BNIP3: variants seen among roughly 807,000 people sequenced by gnomAD.
BNIP3 encodes BCL2/adenovirus E1B 19 kDa protein-interacting protein 3.
Under a neutral mutation model 23.9 loss-of-function variants are expected in BNIP3, and 16 were observed. That is an observed-to-expected ratio of 0.67 (90% CI 0.45 to 1.01). BNIP3 has a LOEUF of 1.01. Among genes scored for constraint, BNIP3 ranks in the 50% least tolerant of loss-of-function variants. BNIP3 has a pLI of 0.00. For missense variants in BNIP3, 198 were observed against 248.7 expected (o/e 0.80, Z 1.37); for synonymous variants, 81 against 89.3 (o/e 0.91, Z 0.53).
At chr10:131,977,453 C>A (rs1194446639) in intron 1 of BNIP3, among the ~76,000 whole-genome samples, 2 of 152,196 alleles carry the variant, frequency 1.3e-5, no homozygotes, top group African/African-American at 4.8e-5. Context: ...TGCGCTACTG[C>A]AACAGAATCC....
intron 1 of BNIP3, among the ~76,000 whole-genome samples, chr10:131,975,259 G>A (rs187887861): frequency 1.3e-5 from 2 of 152,288 alleles, no homozygotes; most frequent in East Asian, 1.9e-4. Flanking sequence ...GAAATCAAGC[G>A]TGCATATAGG....
intron 1 of BNIP3, chr10:131,980,612 A>G (rs2037112076): frequency 1.3e-5 from 2 of 150,360 alleles, no homozygotes; most frequent in Non-Finnish European, 3.0e-5. Context: ...AAAAGCTTGT[A>G]GTGTTCATAT....
chr10:131,973,805 G>A lies in BNIP3; in HGVS notation c.185C>T (p.Ser62Phe). 6.2e-7 allele frequency: 1 copy of A among 1,612,348 alleles called. No homozygotes were observed. Among genetic ancestry groups the A allele is most frequent in the South Asian group, 1.1e-5 (1 of 91,006 alleles). ...GATGCGCGCCTACCTGTCACAGTGA[G>A]AGCTCTTGGAGCTACTCCGTCCAGA... ...HESGRSSSKS[S>F]HCDSPPRSQT... Residue 62 changes from serine (S) to phenylalanine (F), a missense_variant, in exon 2 of 6, where the codon TCT (serine) becomes TTT (phenylalanine). Coordinates refer to ENST00000368636, the MANE Select transcript of BNIP3 (RefSeq NM_004052.4).
At chr10:131,971,300 A>G (rs2037030847) in intron 3 of BNIP3, 1 of 335,890 alleles carries the variant, frequency 3.0e-6, no homozygotes, top group Admixed American at 4.6e-5. Flanking sequence ...ACGTGACATG[A>G]GGGCAAAGAT....
chr10:131,971,233 G>C, intron 3 of BNIP3: 1 of 479,192 alleles, frequency 2.1e-6, no homozygotes, highest in Non-Finnish European at 3.8e-6. Context: ...AAATACATTT[G>C]GTTCACTGTG....
Position 131,970,773 on chromosome 10 carries a change from T to A in BNIP3, c.404A>T (p.Lys135Ile). Reference sequence around the variant, plus strand: ...GAGGGTGGCCGTGCGCTTCGGGTGTTTAAAGAGGAACTCCCTGAGGCGGGA... The same window carrying A: ...GAGGGTGGCCGTGCGCTTCGGGTGTATAAAGAGGAACTCCCTGAGGCGGGA... Reference protein sequence around the residue: ...ENIPPKEFLFKHPKRTATLSM... With the variant: ...ENIPPKEFLFIHPKRTATLSM... The change falls in exon 5 of 6, where the codon AAA becomes ATA. Residue 135 changes from lysine to isoleucine, a missense_variant. By Grantham distance (102) the Lys-to-Ile change is moderately radical (BLOSUM62 -3). Coordinates refer to ENST00000368636, the MANE Select transcript of BNIP3 (RefSeq NM_004052.4). This position sits in a 1 kb window ranked among gnomAD's most constrained non-coding sequence, Gnocchi z 4.1. 6.2e-7 allele frequency: 1 copy of A among 1,614,126 alleles called. No homozygotes were observed. The highest frequency in any genetic ancestry group is 8.5e-7 in the Non-Finnish European group (1 of 1,180,004).
chr10:131,973,438 CG>C, intron 2 of BNIP3: 1 of 462,032 alleles, frequency 2.2e-6, no homozygotes, highest in Admixed American at 3.6e-5. Context: ...TGACCACTGT[CG>C]GCCACTCTAC....
At position 131,973,137 on chromosome 10, in the gene BNIP3, A is replaced by G; in HGVS notation, c.198-19T>C. ...AGGTGGGCTTGGCGATGTGAATAGA[A>G]TGGGAAAAACAGAACATCATGTGAA... On this transcript the variant is annotated intron_variant, in intron 2 of 5. Coordinates refer to ENST00000368636, the MANE Select transcript of BNIP3 (RefSeq NM_004052.4). 1 of 1,609,964 alleles carries G rather than the reference A, an allele frequency of 6.2e-7. No homozygotes were observed. The highest frequency in any genetic ancestry group is 1.1e-5 in the South Asian group (1 of 91,000).
At chr10:131,975,297 ATC>A (rs1304282317) in intron 1 of BNIP3, among the ~76,000 whole-genome samples, 1 of 152,210 alleles carries the variant, frequency 6.6e-6, no homozygotes, top group Non-Finnish European at 1.5e-5. Flanking sequence ...GCCCCAGATA[ATC>A]TCTCTACTTT....
rs202226139 is a variant in BNIP3, at chr10:131,971,019, C to T, written c.283-49G>A. On this transcript the variant is annotated intron_variant, in intron 3 of 5. Transcript: ENST00000368636. ...GCAGATCAGTGTACCACACGTGACA[C>T]GGGAAAGCACCCAGCTCCCACCCGA... 351 of 1,549,378 alleles carry T rather than the reference C, an allele frequency of 2.3e-4. No homozygotes were observed. The East Asian group carries it at 4.5e-3, about 20-fold the overall frequency.
At chr10:131,971,437 G>A (rs1000193384) in intron 3 of BNIP3, 1 of 162,546 alleles carries the variant, frequency 6.2e-6, no homozygotes, top group African/African-American at 2.4e-5. Flanking sequence ...GGGATAAGCA[G>A]GAGGGAAAAG....
chr10:131,971,597 C>G (rs2133691255), intron 3 of BNIP3: 1 of 152,512 alleles, frequency 6.6e-6, no homozygotes, highest in South Asian at 2.1e-4. Flanking sequence ...CATCTAATTC[C>G]TTTTAAAACT....
At chr10:131,981,539 G>A (rs766181343) in intron 1 of BNIP3, among the ~76,000 whole-genome samples, 3 of 152,220 alleles carry the variant, frequency 2.0e-5, no homozygotes, top group Admixed American at 6.5e-5. Flanking sequence ...ACCCCCGCCC[G>A]AGTGGCGAGG....
In BNIP3 at chr10:131,976,809, C is replaced by T. The variant is rs981781557; in HGVS notation, c.47-2866G>A. ...GGCCACCCTTGAGCCACTGTATTAG[C>T]AGTGTATTCTGAAGGGGCTCCTTAC... On this transcript the variant is annotated intron_variant, in intron 1 of 5. Coordinates refer to ENST00000368636, the MANE Select transcript of BNIP3 (RefSeq NM_004052.4). The surrounding 1 kb of genome is among the most constrained non-coding windows in gnomAD (Gnocchi z 4.3). 2.0e-5 allele frequency among the ~76,000 whole-genome samples: 3 copies of T among 152,108 alleles called. No homozygotes were observed. The highest frequency in any genetic ancestry group is 7.2e-5 in the African/African-American group (3 of 41,424).
chr10:131,979,012 CG>C (rs1235491092), intron 1 of BNIP3, among the ~76,000 whole-genome samples: 2 of 152,306 alleles, frequency 1.3e-5, no homozygotes, highest in Non-Finnish European at 1.5e-5. Context: ...TGGCTTCCAA[CG>C]GGGCTCGTTT....
intron 1 of BNIP3, among the ~76,000 whole-genome samples, chr10:131,977,428 A>G (rs994428411): frequency 2.0e-5 from 3 of 152,216 alleles, no homozygotes; most frequent in Admixed American, 6.5e-5. Flanking sequence ...AGACAAGTGT[A>G]TCTCTGTCAT....
In BNIP3 at chr10:131,970,390, T is replaced by C; in HGVS notation, c.539+248A>G. ...AGAAGCCCTGCTTTGACTCCGTTTA[T>C]ATTCAGTGAGCAACAGGCAGACTCG... On this transcript the variant is annotated intron_variant, in intron 5 of 5. Transcript: ENST00000368636. The surrounding 1 kb of genome is among the most constrained non-coding windows in gnomAD (Gnocchi z 4.1). 1.8e-6 allele frequency: 1 copy of C among 569,836 alleles called. No individual in the cohort carries two copies. The highest frequency in any genetic ancestry group is 3.1e-6 in the Non-Finnish European group (1 of 323,126). 35.3% of individuals were successfully genotyped at this position (569,836 alleles called of 1,614,324 possible). A position where few individuals can be genotyped will look rare whatever the true frequency, so the allele number is the denominator to read the frequency against.
chr10:131,971,924 G>A (rs577694879), intron 3 of BNIP3, among the ~76,000 whole-genome samples: 65 of 152,334 alleles, frequency 4.3e-4, no homozygotes, highest in Admixed American at 3.7e-3. Context: ...GCGCTAGCAC[G>A]GAAGGGTCAG....
chr10:131,968,648 A>C, intron 5 of BNIP3, 79 bp from the exon 6 acceptor site: 77 of 1,330,732 alleles, frequency 5.8e-5, no homozygotes, highest in Non-Finnish European at 7.1e-5. Flanking sequence ...AGGGTAGCTC[A>C]CTGTGGTTAG....
Sources: allele counts gnomAD v4.1 joint callset (sites outside exome capture counted in the v4.1 genomes callset), GRCh38; gene constraint gnomAD v4.1.1; non-coding constraint Gnocchi (gnomAD v3.1); transcripts MANE v1.5; gene names NCBI Gene and HGNC (gene_info 2026-07-23, HGNC 2026-07-21).